The following ZNF516 variants were observed in gnomAD, a reference collection of about 807,000 sequenced individuals.
ZNF516 encodes the protein zinc finger protein 516.
ZNF516 carries 19 observed loss-of-function variants against 79.7 expected under a neutral mutation model. That is an observed-to-expected ratio of 0.24 (90% CI 0.17 to 0.35). The LOEUF (loss-of-function observed/expected upper bound fraction) is 0.35. Ranked by LOEUF, ZNF516 falls within the 10% of genes least tolerant of loss-of-function variation. ZNF516 has a pLI of 1.00. For missense variants in ZNF516, 1,678 were observed against 1,679.5 expected, an observed-to-expected ratio of 1.00 and a Z score of 0.02; for synonymous variants, 877 against 739.5, an observed-to-expected ratio of 1.19 and a Z score of -3.02.
intron 3 of ZNF516, among the ~76,000 whole-genome samples, chr18:76,391,649 A>G (rs1264440264): frequency 1.3e-5 from 2 of 152,168 alleles, no homozygotes; most frequent in Non-Finnish European, 2.9e-5. Flanking sequence ...GGGGTCCCCA[A>G]ACATGATGTA....
At chr18:76,423,538 G>C (rs117407810) in intron 3 of ZNF516, among the ~76,000 whole-genome samples, 8,036 of 147,288 alleles carry the variant, frequency 0.055, 302 homozygotes, top group Non-Finnish European at 0.083. Context: ...AGGTGAAAAG[G>C]CTTCCCCGAA....
chr18:76,378,805 G>C lies in ZNF516; in HGVS notation c.3259+50C>G, dbSNP rs369943038. On this transcript the variant is annotated intron_variant, in intron 4 of 6. Coordinates refer to ENST00000443185, the MANE Select transcript of ZNF516 (RefSeq NM_014643.4). ...CAGCAGCCCTGGCCCTCCGGGGGTG[G>C]TTCTGGGGGTCACATGTGGCCTGGG... The C allele has an allele frequency of 9.5e-6, 15 of 1,576,236 alleles. No homozygotes were observed. In the African/African-American group the frequency reaches 1.7e-4, roughly 18 times the overall value.
intron 3 of ZNF516, among the ~76,000 whole-genome samples, chr18:76,429,009 G>A (rs966826432): frequency 6.6e-6 from 1 of 152,246 alleles, no homozygotes; most frequent in African/African-American, 2.4e-5. Flanking sequence ...GGCAGGGCAG[G>A]GAGGTCAGCA....
intron 3 of ZNF516, among the ~76,000 whole-genome samples, chr18:76,395,478 A>C (rs2075132449): frequency 6.6e-6 from 1 of 152,222 alleles, no homozygotes; most frequent in African/African-American, 2.4e-5. Context: ...AAAAGCATGA[A>C]GCGCAAGATG....
At chr18:76,475,366 C>T (rs560381169) in intron 1 of ZNF516, among the ~76,000 whole-genome samples, 6 of 152,278 alleles carry the variant, frequency 3.9e-5, no homozygotes, top group Non-Finnish European at 8.8e-5. Flanking sequence ...TAATATCAAG[C>T]ACTGACAAAG....
At chr18:76,487,928 GAGA>G (rs1484131928) in intron 1 of ZNF516, 8 of 985,396 alleles carry the variant, frequency 8.1e-6, no homozygotes, top group South Asian at 4.7e-5. Context: ...GGAGGGGAGG[GAGA>G]AGAAGGGAAC....
intron 3 of ZNF516, among the ~76,000 whole-genome samples, chr18:76,435,526 G>C (rs369317033): frequency 6.6e-6 from 1 of 152,164 alleles, no homozygotes; most frequent in Admixed American, 6.5e-5. Context: ...GCGGGAGCGC[G>C]GATTAAGAGT....
intron 1 of ZNF516, chr18:76,490,696 G>A (rs1478455586): frequency 1.1e-6 from 1 of 884,624 alleles, no homozygotes; most frequent in Non-Finnish European, 1.4e-6. Flanking sequence ...ATCAAGATTC[G>A]AAACTGCATG....
intron 3 of ZNF516, among the ~76,000 whole-genome samples, chr18:76,403,075 T>C (rs931539515): frequency 3.3e-5 from 5 of 152,244 alleles, no homozygotes; most frequent in African/African-American, 1.2e-4. Flanking sequence ...CGCCTGGCAC[T>C]ACTGTCATTT....
chr18:76,395,290 T>A (rs2075129719), intron 3 of ZNF516, among the ~76,000 whole-genome samples: 1 of 152,138 alleles, frequency 6.6e-6, no homozygotes, highest in African/African-American at 2.4e-5. Context: ...TAAACGAGCA[T>A]CTCCCAGACA....
At chr18:76,387,717 C>G (rs1374114467) in intron 3 of ZNF516, 1 of 152,314 alleles carries the variant, frequency 6.6e-6, no homozygotes, top group Non-Finnish European at 1.5e-5. Context: ...CAGAGGTCAG[C>G]TGGGAGCAGG....
intron 3 of ZNF516, among the ~76,000 whole-genome samples, chr18:76,413,656 C>T (rs961541066): frequency 2.8e-4 from 43 of 152,316 alleles, no homozygotes; most frequent in Admixed American, 2.2e-3. Context: ...TGGGCTGCCA[C>T]GGTTTCCTCC....
chr18:76,492,415 G>A, intron 1 of ZNF516: 1 of 969,808 alleles, frequency 1.0e-6, no homozygotes, highest in Non-Finnish European at 1.2e-6. Context: ...ACGCAGCCAG[G>A]GCGCAGCGTT....
chr18:76,448,474 G>GAAATGTGTAC (rs1912199258), intron 2 of ZNF516, among the ~76,000 whole-genome samples: 1 of 152,178 alleles, frequency 6.6e-6, no homozygotes, highest in Non-Finnish European at 1.5e-5. Flanking sequence ...CCGGTGTGAA[G>GAAATGTGTAC]AAATGTGTAC....
chr18:76,428,786 G>C (rs2075627219), intron 3 of ZNF516, among the ~76,000 whole-genome samples: 1 of 152,372 alleles, frequency 6.6e-6, no homozygotes, highest in South Asian at 2.1e-4. Context: ...CAACAGAGGA[G>C]GATCGCTCCT....
At chr18:76,466,353 C>T (rs1025960868) in intron 1 of ZNF516, among the ~76,000 whole-genome samples, 8 of 152,216 alleles carry the variant, frequency 5.3e-5, no homozygotes, top group African/African-American at 1.9e-4. Context: ...CCTCCTGCCC[C>T]TTGAGAACAG....
chr18:76,491,088 C>T (rs1248222489), intron 1 of ZNF516: 3 of 985,210 alleles, frequency 3.0e-6, no homozygotes, highest in Admixed American at 1.2e-4. Flanking sequence ...TAATCGTCCT[C>T]GGGGCCACGC....
chr18:76,357,977 G>A lies in ZNF516; in HGVS notation c.*4521C>T, dbSNP rs1165317674. On this transcript the variant is annotated 3_prime_UTR_variant, in exon 7 of 7. Transcript: ENST00000443185. Reference sequence around the variant, plus strand: ...CCATTAAAAAACTGTATGTCCTCGAGTCCACAAAAGAGTTGGAAAAAAACC... The same window carrying A: ...CCATTAAAAAACTGTATGTCCTCGAATCCACAAAAGAGTTGGAAAAAAACC... Among the ~76,000 whole-genome samples, 1 of 152,184 alleles carries A rather than the reference G, an allele frequency of 6.6e-6. No homozygotes were observed. Among genetic ancestry groups the A allele is most frequent in the African/African-American group, 2.4e-5 (1 of 41,442 alleles).
intron 3 of ZNF516, chr18:76,389,218 ACTGGTCAAGGCCAGAAC>A (rs2075034417): frequency 1.3e-5 from 2 of 151,670 alleles, no homozygotes; most frequent in Non-Finnish European, 2.9e-5. Context: ...GCTGGCAACA[ACTGGTCAAGGCCAGAAC>A]CTGGCCTAAA....
Sources: gnomAD v4.1 joint callset for allele counts (sites outside exome capture counted in the v4.1 genomes callset) on GRCh38, gnomAD v4.1.1 for gene constraint, MANE v1.5 for transcripts, NCBI Gene and HGNC (gene_info 2026-07-23, HGNC 2026-07-21) for gene names.